The following TBC1D4 variants were observed in gnomAD, a reference collection of about 807,000 sequenced individuals.
TBC1D4 encodes the protein TBC (Tre-2, BUB2, CDC16) domain-containing protein.
Under a neutral mutation model 142.5 loss-of-function variants are expected in TBC1D4, and 121 were observed. The ratio of observed to expected loss-of-function variants is 0.85; its 90% CI spans 0.73 to 0.99. TBC1D4 has a LOEUF of 0.99. Ranked by LOEUF, TBC1D4 falls within the 50% of genes least tolerant of loss-of-function variation. The probability of loss-of-function intolerance (pLI) is 0.00; values close to 1 mark genes in which losing one functional copy is unlikely to be tolerated. For synonymous variants in TBC1D4, 630 were observed against 628.2 expected (o/e 1.00, Z -0.04); for missense variants, 1,475 against 1,606.6 (o/e 0.92, Z 1.40).
intron 1 of TBC1D4, among the ~76,000 whole-genome samples, chr13:75,402,535 T>G (rs1885143910): frequency 6.6e-6 from 1 of 152,170 alleles, no homozygotes; most frequent in Non-Finnish European, 1.5e-5. Flanking sequence ...AGTTGAGCAA[T>G]CTGAAACATT....
At chr13:75,387,695 G>A (rs1392312447) in intron 1 of TBC1D4, among the ~76,000 whole-genome samples, 5 of 152,146 alleles carry the variant, frequency 3.3e-5, no homozygotes, top group Admixed American at 2.0e-4. Context: ...TTTTCTTTAA[G>A]TGGCAAGATC....
chr13:75,409,825 T>C (rs997438207), intron 1 of TBC1D4, among the ~76,000 whole-genome samples: 5 of 152,254 alleles, frequency 3.3e-5, no homozygotes, highest in African/African-American at 1.2e-4. Context: ...TAGATAGCTA[T>C]AAAGGTCCCT....
chr13:75,447,934 C>G (rs1002896218), intron 1 of TBC1D4, among the ~76,000 whole-genome samples: 2 of 152,094 alleles, frequency 1.3e-5, no homozygotes, highest in Admixed American at 1.3e-4. Context: ...TTCCCACTGA[C>G]TCTACATTAT....
intron 1 of TBC1D4, among the ~76,000 whole-genome samples, chr13:75,466,352 C>T (rs776932662): frequency 1.3e-5 from 2 of 152,154 alleles, no homozygotes; most frequent in Non-Finnish European, 2.9e-5. Flanking sequence ...TTACTCCATC[C>T]GCACTAGAAA....
intron 1 of TBC1D4, among the ~76,000 whole-genome samples, chr13:75,421,809 T>C (rs899459422): frequency 1.3e-5 from 2 of 152,196 alleles, no homozygotes; most frequent in Non-Finnish European, 2.9e-5. Flanking sequence ...TCCAAATCTA[T>C]AAAAAATACT....
chr13:75,462,649 A>G (rs531312695), intron 1 of TBC1D4, among the ~76,000 whole-genome samples: 2 of 152,108 alleles, frequency 1.3e-5, no homozygotes, highest in Non-Finnish European at 2.9e-5. Flanking sequence ...TGAGAGAATC[A>G]TTACCACCTT....
In TBC1D4 at chr13:75,438,252, TA is replaced by T. The variant is rs147457765; in HGVS notation, c.498+43017del. On this transcript the variant is annotated intron_variant, in intron 1 of 20. Transcript: ENST00000377636. Reference sequence around the variant, plus strand: ...TAGAAACTTATAACTGATAAAACAATAAAGCAAATAAGCATCTCTATGCTAA... The same window carrying T: ...TAGAAACTTATAACTGATAAAACAATAAGCAAATAAGCATCTCTATGCTAA... Among the ~76,000 whole-genome samples, 727 of 152,296 alleles carry T rather than the reference TA, an allele frequency of 4.8e-3. 5 individuals carry two copies. Among genetic ancestry groups the T allele is most frequent in the African/African-American group, 0.017 (703 of 41,582 alleles).
chr13:75,299,980 A>G (rs1181642719), intron 16 of TBC1D4, among the ~76,000 whole-genome samples: 2 of 152,196 alleles, frequency 1.3e-5, no homozygotes, highest in African/African-American at 4.8e-5. Context: ...TGAAACCAGA[A>G]GTCTGTAAGA....
rs115124232 is a variant in TBC1D4, at chr13:75,440,108, A to T, written c.498+41162T>A. Among the ~76,000 whole-genome samples, 741 of 152,308 alleles carry T rather than the reference A, an allele frequency of 4.9e-3. 8 individuals are homozygous for T. Among genetic ancestry groups the T allele is most frequent in the African/African-American group, 0.016 (681 of 41,570 alleles). The stretch of plus-strand genomic sequence containing the variant: ...GTAATTAAAAAGACGAATAATATAA[A>T]TATATCAAGGCAGAAATCCCACCTT... On this transcript the variant is annotated intron_variant, in intron 1 of 20. Transcript: ENST00000377636.
chr13:75,417,254 G>A lies in TBC1D4; in HGVS notation c.499-54647C>T, dbSNP rs992528941. ...CACAACTGCCACTTGCCCTAGACAC[G>A]TCACCTCCTTCTACTTCCCAAATCT... On this transcript the variant is annotated intron_variant, in intron 1 of 20. Transcript: ENST00000377636. Among the ~76,000 whole-genome samples the A allele has an allele frequency of 2.6e-5, 4 of 152,094 alleles. No individual in the cohort carries two copies. In the East Asian group the frequency reaches 5.8e-4, roughly 22 times the overall value.
intron 7 of TBC1D4, among the ~76,000 whole-genome samples, chr13:75,337,861 GGAGA>G (rs1880357305): frequency 6.6e-6 from 1 of 152,148 alleles, no homozygotes; most frequent in African/African-American, 2.4e-5. Context: ...ATTGCTTAAG[GGAGA>G]GAAAGTCAGG....
intron 14 of TBC1D4, among the ~76,000 whole-genome samples, chr13:75,307,584 C>T (rs1877310301): frequency 6.6e-6 from 1 of 152,150 alleles, no homozygotes; most frequent in Non-Finnish European, 1.5e-5. Context: ...CCTCCTGCAA[C>T]ACAAATCTTT....
At chr13:75,336,272 C>A (rs1880190590) in intron 8 of TBC1D4, among the ~76,000 whole-genome samples, 1 of 152,086 alleles carries the variant, frequency 6.6e-6, no homozygotes, top group Non-Finnish European at 1.5e-5. Flanking sequence ...TGGCGCGCAC[C>A]TGTAGTCCCA....
chr13:75,338,109 G>C (rs1880376106), intron 7 of TBC1D4, among the ~76,000 whole-genome samples: 1 of 152,016 alleles, frequency 6.6e-6, no homozygotes, highest in African/African-American at 2.4e-5. Context: ...TTATCAAAAA[G>C]AAGTGTTCAA....
chr13:75,457,022 G>A (rs892532960), intron 1 of TBC1D4, among the ~76,000 whole-genome samples: 1 of 151,970 alleles, frequency 6.6e-6, no homozygotes, highest in African/African-American at 2.4e-5. Flanking sequence ...AAAGAGGTCA[G>A]ACATAAAAGA....
chr13:75,288,044 C>T (rs1001268759), intron 20 of TBC1D4, among the ~76,000 whole-genome samples: 5 of 152,062 alleles, frequency 3.3e-5, no homozygotes, highest in Admixed American at 1.3e-4. Context: ...TTGCAAATAC[C>T]GAATATGACT....
intron 13 of TBC1D4, among the ~76,000 whole-genome samples, chr13:75,312,534 G>T (rs961796704): frequency 6.6e-6 from 1 of 152,184 alleles, no homozygotes; most frequent in Non-Finnish European, 1.5e-5. Flanking sequence ...TTTGGAAACT[G>T]TCTCACTCAT....
intron 8 of TBC1D4, among the ~76,000 whole-genome samples, chr13:75,329,955 G>A (rs753121269): frequency 3.3e-5 from 5 of 152,198 alleles, no homozygotes; most frequent in Middle Eastern, 3.2e-3. Flanking sequence ...ATTTCACAAC[G>A]ACGTGCCTTA....
intron 1 of TBC1D4, among the ~76,000 whole-genome samples, chr13:75,439,347 A>G (rs1029793639): frequency 4.6e-5 from 7 of 152,136 alleles, no homozygotes; most frequent in Non-Finnish European, 8.8e-5. Flanking sequence ...CACAGTTCAA[A>G]TGTAATACTT....
Sources: allele counts gnomAD v4.1 joint callset (sites outside exome capture counted in the v4.1 genomes callset), GRCh38; gene constraint gnomAD v4.1.1; transcripts MANE v1.5; gene names NCBI Gene and HGNC (gene_info 2026-07-23, HGNC 2026-07-21).